NUBPL: variants seen among roughly 807,000 people sequenced by gnomAD.
NUBPL encodes iron-sulfur cluster transfer protein NUBPL.
NUBPL carries 31 observed loss-of-function variants against 45.7 expected under a neutral mutation model. The observed-to-expected ratio is 0.68, with a 90% confidence interval of 0.51 to 0.92. The LOEUF (loss-of-function observed/expected upper bound fraction) is 0.92. NUBPL is among the 40% of genes least tolerant of loss of function. The probability of loss-of-function intolerance (pLI) is 0.00; values close to 1 mark genes in which losing one functional copy is unlikely to be tolerated. For missense variants in NUBPL, 401 were observed against 398.7 expected, an observed-to-expected ratio of 1.01 and a Z score of -0.05; for synonymous variants, 144 against 140.9, an observed-to-expected ratio of 1.02 and a Z score of -0.15.
intron 9 of NUBPL, 34 bp from the exon 10 acceptor site, chr14:31,850,085 C>G: frequency 1.3e-6 from 2 of 1,538,306 alleles, no homozygotes; most frequent in Non-Finnish European, 1.8e-6. Context: ...ATGAACTTTT[C>G]TGGTTCTAAT....
chr14:31,628,813 TACA>T (rs1362481780), intron 4 of NUBPL, among the ~76,000 whole-genome samples: 2 of 152,224 alleles, frequency 1.3e-5, no homozygotes, highest in Non-Finnish European at 2.9e-5. Context: ...TAAACCTGTA[TACA>T]ACATTTGAGA....
chr14:31,676,317 C>T (rs918726482), intron 6 of NUBPL, among the ~76,000 whole-genome samples: 1 of 151,976 alleles, frequency 6.6e-6, no homozygotes, highest in Non-Finnish European at 1.5e-5. Context: ...GCCACTGCAA[C>T]CGTCCAGGAT....
chr14:31,782,721 G>A (rs1188726084), intron 6 of NUBPL, among the ~76,000 whole-genome samples: 2 of 151,884 alleles, frequency 1.3e-5, no homozygotes, highest in Non-Finnish European at 2.9e-5. Context: ...TGGGAGACGA[G>A]GTTGCAGTGA....
At chr14:31,610,531 AGAG>A (rs1428501500) in intron 4 of NUBPL, among the ~76,000 whole-genome samples, 3 of 150,268 alleles carry the variant, frequency 2.0e-5, no homozygotes, top group Non-Finnish European at 4.4e-5. Flanking sequence ...TCTGAAAAAC[AGAG>A]GAGGAGGGAA....
intron 8 of NUBPL, among the ~76,000 whole-genome samples, chr14:31,830,523 C>T (rs1407118719): frequency 6.6e-6 from 1 of 152,136 alleles, no homozygotes; most frequent in African/African-American, 2.4e-5. Context: ...TTAGGGAACT[C>T]ATGTATTCAT....
At position 31,802,599 on chromosome 14, in the gene NUBPL, A is replaced by G. The variant is rs551162995; in HGVS notation, c.607+14726A>G. Among the ~76,000 whole-genome samples the G allele has an allele frequency of 1.8e-4, 28 of 152,228 alleles. No homozygotes were observed. In the South Asian group the frequency reaches 5.0e-3, roughly 27 times the overall value. On this transcript the variant is annotated intron_variant, in intron 7 of 10. Coordinates refer to ENST00000281081, the MANE Select transcript of NUBPL (RefSeq NM_025152.3). ...CCGCCCTTCTTTTCTACACAATGTC[A>G]TGACGTAGTGGGAAGGCTCTCCCCA...
At chr14:31,683,721 A>T (rs1356314298) in intron 6 of NUBPL, among the ~76,000 whole-genome samples, 3 of 151,968 alleles carry the variant, frequency 2.0e-5, no homozygotes, top group African/African-American at 7.2e-5. Context: ...TTTAGATCTG[A>T]GTTTAATCTG....
intron 6 of NUBPL, among the ~76,000 whole-genome samples, chr14:31,726,025 G>A (rs964701909): frequency 6.6e-5 from 10 of 151,930 alleles, no homozygotes; most frequent in Non-Finnish European, 1.5e-4. Flanking sequence ...TCAGATTTTT[G>A]AATTAAAGAT....
chr14:31,808,087 G>T (rs1419546561), intron 7 of NUBPL, among the ~76,000 whole-genome samples: 1 of 152,180 alleles, frequency 6.6e-6, no homozygotes, highest in Non-Finnish European at 1.5e-5. Flanking sequence ...TTTGGCTTAG[G>T]ATTGACTTGG....
At chr14:31,706,663 G>C (rs1053977013) in intron 6 of NUBPL, among the ~76,000 whole-genome samples, 3 of 152,204 alleles carry the variant, frequency 2.0e-5, no homozygotes, top group African/African-American at 7.2e-5. Context: ...GCAGCGAGGA[G>C]GTCTAGGCCT....
chr14:31,830,954 C>T (rs182202327), intron 8 of NUBPL, among the ~76,000 whole-genome samples: 2 of 152,306 alleles, frequency 1.3e-5, no homozygotes, highest in East Asian at 3.9e-4. Context: ...TTTAACCTCA[C>T]TTTTCACCTG....
intron 4 of NUBPL, 129 bp downstream of exon 4, chr14:31,599,508 G>A (rs148107183): frequency 1.2e-4 from 81 of 657,866 alleles, no homozygotes; most frequent in African/African-American, 1.2e-3. Flanking sequence ...ACTTAAGTTA[G>A]TAGATTCTTG....
intron 4 of NUBPL, among the ~76,000 whole-genome samples, chr14:31,635,717 C>A (rs1356628520): frequency 1.5e-5 from 2 of 132,104 alleles, no homozygotes; most frequent in African/African-American, 5.0e-5. Context: ...TCTTCCTACC[C>A]ATGAGCATGG....
chr14:31,753,838 A>G (rs28595838), intron 6 of NUBPL, among the ~76,000 whole-genome samples: 5,492 of 152,216 alleles, frequency 0.036, 130 homozygotes, highest in African/African-American at 0.076. Flanking sequence ...TAGACTATCT[A>G]CTTGAAGTAC....
chr14:31,758,447 A>C (rs186754020), intron 6 of NUBPL, among the ~76,000 whole-genome samples: 118 of 152,328 alleles, frequency 7.7e-4, no homozygotes, highest in African/African-American at 2.8e-3. Flanking sequence ...AAAATGTAGA[A>C]AATTCACAAA....
chr14:31,678,160 G>A (rs1027069741), intron 6 of NUBPL, among the ~76,000 whole-genome samples: 3 of 152,144 alleles, frequency 2.0e-5, no homozygotes, highest in South Asian at 2.1e-4. Context: ...CAGTCAGCTC[G>A]TGGTGAAGGT....
chr14:31,561,506 G>A lies in NUBPL; in HGVS notation c.67G>A (p.Ala23Thr). 7.2e-7 allele frequency: 1 copy of A among 1,391,700 alleles called. No homozygotes were observed. The highest frequency in any genetic ancestry group is 9.4e-7 in the Non-Finnish European group (1 of 1,065,770). The allele number at this position is 1,391,700 out of a possible 1,614,324, so 86.2% of individuals were successfully genotyped here. Residue 23 changes from alanine (A) to threonine (T), a missense_variant, in exon 1 of 11, where the codon GCC (alanine) becomes ACC (threonine). Transcript: ENST00000281081. ...GCTCCGGGCTGGTGGCGGGGCCACT[G>A]CCCCGCTTGGGGGAAGCCGAGCGAT... ...VSLRAGGGAT[A>T]PLGGSRAMVC...
chr14:31,754,591 C>CTTTTTTTTTTTTTTTT (rs59085679), intron 6 of NUBPL, among the ~76,000 whole-genome samples: 9 of 103,694 alleles, frequency 8.7e-5, no homozygotes, highest in Non-Finnish European at 1.5e-4. Flanking sequence ...AGAGGGTTTT[C>CTTTTTTTTTTTTTTTT]TTTTTTTTTT....
chr14:31,669,811 T>TTTTTTG (rs1850811789), intron 4 of NUBPL, among the ~76,000 whole-genome samples: 1 of 148,332 alleles, frequency 6.7e-6, no homozygotes, highest in African/African-American at 2.5e-5. Flanking sequence ...TTTTTTTTGT[T>TTTTTTG]TTTTTTTTTT....
Sources: gnomAD v4.1 joint callset for allele counts (sites outside exome capture counted in the v4.1 genomes callset) on GRCh38, gnomAD v4.1.1 for gene constraint, MANE v1.5 for transcripts, NCBI Gene and HGNC (gene_info 2026-07-23, HGNC 2026-07-21) for gene names.